USP6NL: variants seen among roughly 807,000 people sequenced by gnomAD.
The protein encoded by USP6NL is USP6 N-terminal-like protein.
In USP6NL, 26 loss-of-function variants were observed where a neutral mutation model predicts 61.9. The observed-to-expected ratio is 0.42, with a 90% CI of 0.31 to 0.58. The LOEUF (loss-of-function observed/expected upper bound fraction) is 0.58, where lower values mean the gene tolerates loss of function less well. Ranked by LOEUF, USP6NL falls within the 20% of genes least tolerant of loss-of-function variation. The pLI is 0.16. For missense variants in USP6NL, 1,114 were observed against 1,034.3 expected, an observed-to-expected ratio of 1.08 and a Z score of -1.06; for synonymous variants, 432 against 390.1, an observed-to-expected ratio of 1.11 and a Z score of -1.27.
chr10:11,477,418 G>C (rs1177287369), intron 14 of USP6NL, among the ~76,000 whole-genome samples: 1 of 152,124 alleles, frequency 6.6e-6, no homozygotes, highest in African/African-American at 2.4e-5. Context: ...GAAATGAATA[G>C]CTTTCTAGGA....
Position 11,465,270 on chromosome 10 carries a change from T to A in USP6NL, c.1079-1421A>T, listed in dbSNP as rs910848260. Among the ~76,000 whole-genome samples the A allele has an allele frequency of 7.2e-5, 11 of 152,214 alleles. No homozygotes were observed. Among genetic ancestry groups the A allele is most frequent in the African/African-American group, 2.7e-4 (11 of 41,458 alleles). ...GCTGATATTCCATCAGACAGCAATA[T>A]CAGCCAATCATCAAAACATCCTTTT... is the stretch of plus-strand genomic sequence containing the variant. On this transcript the variant is annotated intron_variant, in intron 14 of 14. Transcript: ENST00000609104. The surrounding 1 kb of genome is among the most constrained non-coding windows in gnomAD (Gnocchi z 4.5).
intron 2 of USP6NL, among the ~76,000 whole-genome samples, chr10:11,529,758 C>G (rs138642271): frequency 6.6e-6 from 1 of 152,256 alleles, no homozygotes; most frequent in East Asian, 1.9e-4. Context: ...CTTTTTCCCT[C>G]TTCTGCTGTC....
At chr10:11,586,599 CA>C (rs1446630661) in intron 2 of USP6NL, among the ~76,000 whole-genome samples, 1 of 152,014 alleles carries the variant, frequency 6.6e-6, no homozygotes, top group Non-Finnish European at 1.5e-5. Context: ...TCTAGAAGAT[CA>C]TAGGCAGAAA....
chr10:11,530,483 T>C (rs931217149), intron 2 of USP6NL, among the ~76,000 whole-genome samples: 1 of 152,228 alleles, frequency 6.6e-6, no homozygotes, highest in Non-Finnish European at 1.5e-5. Context: ...TGGAATTGGA[T>C]GAAATTGCAT....
intron 2 of USP6NL, among the ~76,000 whole-genome samples, chr10:11,559,758 G>A (rs766463643): frequency 6.6e-6 from 1 of 152,062 alleles, no homozygotes. Context: ...CAACTCCCTG[G>A]GGAAGGAGAG....
chr10:11,603,406 T>C (rs917219336), intron 1 of USP6NL, among the ~76,000 whole-genome samples: 14 of 152,362 alleles, frequency 9.2e-5, no homozygotes, highest in African/African-American at 3.4e-4. Flanking sequence ...ATCTACTTGA[T>C]ACATCATATC....
intron 3 of USP6NL, among the ~76,000 whole-genome samples, chr10:11,526,874 G>A (rs931670337): frequency 9.9e-5 from 15 of 152,030 alleles, no homozygotes; most frequent in Admixed American, 7.2e-4. Context: ...AGGATAAAAC[G>A]TTAATGGAAA....
In USP6NL at chr10:11,600,962, T is replaced by C. The variant is rs1838506566; in HGVS notation, c.-83-3245A>G. ...CAGCCTGGGCAACAGAGCAAGACTC[T>C]ATCTCAAAGAAAAAAAAAAAGCTTA... On this transcript the variant is annotated intron_variant, in intron 1 of 14. Transcript: ENST00000609104. The surrounding 1 kb of genome is among the most constrained non-coding windows in gnomAD (Gnocchi z 4.1). Among the ~76,000 whole-genome samples the C allele has an allele frequency of 1.3e-5, 2 of 151,228 alleles. No individual in the cohort carries two copies. The highest frequency in any genetic ancestry group is 6.6e-5 in the Admixed American group (1 of 15,204).
At chr10:11,536,659 A>C (rs578161348) in intron 2 of USP6NL, among the ~76,000 whole-genome samples, 5 of 152,316 alleles carry the variant, frequency 3.3e-5, no homozygotes, top group African/African-American at 1.2e-4. Flanking sequence ...CTCTGGACTC[A>C]AATTAACTCT....
intron 2 of USP6NL, among the ~76,000 whole-genome samples, chr10:11,572,673 T>C (rs561009690): frequency 1.1e-4 from 16 of 152,084 alleles, no homozygotes; most frequent in Non-Finnish European, 1.9e-4. Context: ...TATAAAGTAA[T>C]CTACATTTTA....
chr10:11,540,227 T>A lies in USP6NL; in HGVS notation c.5-12660A>T, dbSNP rs1835992976. On this transcript the variant is annotated intron_variant, in intron 2 of 14. Coordinates refer to ENST00000609104, the MANE Select transcript of USP6NL (RefSeq NM_014688.5). This position sits in a 1 kb window ranked among gnomAD's most constrained non-coding sequence, Gnocchi z 5.0. ...TGTGCAAAATGGAGATGAATGGTATTCTGAAGAATCCAAGAACAATTTATA... is the reference window on the plus strand; with the variant it reads ...TGTGCAAAATGGAGATGAATGGTATACTGAAGAATCCAAGAACAATTTATA... Among the ~76,000 whole-genome samples the A allele has an allele frequency of 6.6e-6, 1 of 152,310 alleles. No homozygotes were observed. Among genetic ancestry groups the A allele is most frequent in the African/African-American group, 2.4e-5 (1 of 41,576 alleles).
rs1838415931 is a variant in USP6NL, at chr10:11,598,867, C to T, written c.-83-1150G>A. Among the ~76,000 whole-genome samples the T allele has an allele frequency of 6.6e-6, 1 of 152,248 alleles. No individual in the cohort carries two copies. The highest frequency in any genetic ancestry group is 1.5e-5 in the Non-Finnish European group (1 of 68,042). On this transcript the variant is annotated intron_variant, in intron 1 of 14. Coordinates refer to ENST00000609104, the MANE Select transcript of USP6NL (RefSeq NM_014688.5). The surrounding 1 kb of genome is among the most constrained non-coding windows in gnomAD (Gnocchi z 4.7). The stretch of plus-strand genomic sequence containing the variant: ...AGAATGAAAACAGACTGCATCAGCA[C>T]TTACGTGCCCAGCATGGCCCGCACA...
Position 11,489,268 on chromosome 10 carries a change from T to C in USP6NL, c.544-46A>G. The C allele has an allele frequency of 1.2e-6, 2 of 1,610,520 alleles. No individual in the cohort carries two copies. Among genetic ancestry groups the C allele is most frequent in the Non-Finnish European group, 1.7e-6 (2 of 1,177,796 alleles). The stretch of plus-strand genomic sequence containing the variant: ...CAGAAGCTGGGGAGTTCAGTCGAAT[T>C]ACATGCATATGTACAGAGAAAAAGC... On this transcript the variant is annotated intron_variant, in intron 9 of 14. Transcript: ENST00000609104. This position sits in a 1 kb window ranked among gnomAD's most constrained non-coding sequence, Gnocchi z 5.7.
chr10:11,566,221 A>G (rs1837147992), intron 2 of USP6NL, among the ~76,000 whole-genome samples: 1 of 152,216 alleles, frequency 6.6e-6, no homozygotes, highest in Admixed American at 6.5e-5. Context: ...TGTGGCAGAA[A>G]CATGAGTCTA....
chr10:11,602,912 G>C lies in USP6NL; in HGVS notation c.-83-5195C>G, dbSNP rs145964763. On this transcript the variant is annotated intron_variant, in intron 1 of 14. Transcript: ENST00000609104. This position sits in a 1 kb window ranked among gnomAD's most constrained non-coding sequence, Gnocchi z 4.8. ...CACTAACAGAGAAAGTCTCAACACTGTACTTTCACAGTTCTTATGCTTTCC... is the reference window on the plus strand; with the variant it reads ...CACTAACAGAGAAAGTCTCAACACTCTACTTTCACAGTTCTTATGCTTTCC... 2.4e-3 allele frequency among the ~76,000 whole-genome samples: 371 copies of C among 152,284 alleles called. 2 individuals carry two copies. Among genetic ancestry groups the C allele is most frequent in the East Asian group, 0.01 (54 of 5,188 alleles).
intron 14 of USP6NL, among the ~76,000 whole-genome samples, chr10:11,477,616 G>C (rs1833025269): frequency 6.6e-6 from 1 of 152,182 alleles, no homozygotes; most frequent in African/African-American, 2.4e-5. Context: ...TATGAGGACA[G>C]TATAACCTGA....
At position 11,462,278 on chromosome 10, in the gene USP6NL, T is replaced by A. The variant is rs1464699589; in HGVS notation, c.*163A>T. On this transcript the variant is annotated 3_prime_UTR_variant, in exon 15 of 15. Transcript: ENST00000609104. ...ATTGAAACGCTCATCTTAAGCAGCA[T>A]CTACGTGGGGCTGAAGACATTTCCC... The A allele has an allele frequency of 9.6e-6, 8 of 833,460 alleles. No individual in the cohort carries two copies. Among genetic ancestry groups the A allele is most frequent in the Non-Finnish European group, 1.3e-5 (7 of 554,926 alleles). The allele number at this position is 833,460 out of a possible 1,614,324, so 51.6% of individuals were successfully genotyped here.
chr10:11,499,355 T>C lies in USP6NL; in HGVS notation c.384+1746A>G, dbSNP rs1834077512. 6.6e-6 allele frequency among the ~76,000 whole-genome samples: 1 copy of C among 152,220 alleles called. No individual in the cohort carries two copies. The highest frequency in any genetic ancestry group is 2.4e-5 in the African/African-American group (1 of 41,464). On this transcript the variant is annotated intron_variant, in intron 7 of 14. Transcript: ENST00000609104. This position sits in a 1 kb window ranked among gnomAD's most constrained non-coding sequence, Gnocchi z 4.5. ...TGTCAGATTTTACTAAATGGTTCTC[T>C]TGTATTAACTGGCCATCTGATAATT...
At position 11,532,610 on chromosome 10, in the gene USP6NL, T is replaced by C. The variant is rs1835703266; in HGVS notation, c.5-5043A>G. On this transcript the variant is annotated intron_variant, in intron 2 of 14. Coordinates refer to ENST00000609104, the MANE Select transcript of USP6NL (RefSeq NM_014688.5). This position sits in a 1 kb window ranked among gnomAD's most constrained non-coding sequence, Gnocchi z 4.1. ...GCAGCTTCATAATGTGCCTTCATCTTGTGTCTCGATATTAGCCACTTTCTT... is the reference window on the plus strand; with the variant it reads ...GCAGCTTCATAATGTGCCTTCATCTCGTGTCTCGATATTAGCCACTTTCTT... Among the ~76,000 whole-genome samples the C allele has an allele frequency of 6.6e-6, 1 of 152,210 alleles. No homozygotes were observed. Among genetic ancestry groups the C allele is most frequent in the Non-Finnish European group, 1.5e-5 (1 of 68,038 alleles).
Sources: allele counts gnomAD v4.1 joint callset (sites outside exome capture counted in the v4.1 genomes callset), GRCh38; gene constraint gnomAD v4.1.1; non-coding constraint Gnocchi (gnomAD v3.1); transcripts MANE v1.5; gene names NCBI Gene and HGNC (gene_info 2026-07-23, HGNC 2026-07-21).